CELF4: variants seen among roughly 807,000 people sequenced by gnomAD.
CELF4 encodes the protein CUG-BP- and ETR-3-like factor 4.
CELF4 carries 18 observed loss-of-function variants against 59.9 expected under a neutral mutation model. The observed-to-expected ratio is 0.30, with a 90% CI of 0.21 to 0.45. The LOEUF (loss-of-function observed/expected upper bound fraction) is 0.45, where lower values mean the gene tolerates loss of function less well. CELF4 is among the 20% of genes least tolerant of loss of function. The pLI, the probability that CELF4 is intolerant of heterozygous loss-of-function variation, is 1.00. For missense variants in CELF4, 456 were observed against 689.0 expected (o/e 0.66, Z 3.79); for synonymous variants, 261 against 267.1 (o/e 0.98, Z 0.22).
intron 2 of CELF4, among the ~76,000 whole-genome samples, chr18:37,366,024 A>G (rs1474282790): frequency 6.6e-6 from 1 of 152,200 alleles, no homozygotes; most frequent in South Asian, 2.1e-4. Context: ...AGGTCAGCCT[A>G]AGGAAGAACT....
intron 3 of CELF4, among the ~76,000 whole-genome samples, chr18:37,298,402 T>G (rs1246129913): frequency 1.3e-5 from 2 of 152,198 alleles, no homozygotes; most frequent in African/African-American, 4.8e-5. Flanking sequence ...AGGCCCCTGG[T>G]GGATCCCTGT....
intron 12 of CELF4, among the ~76,000 whole-genome samples, chr18:37,248,951 C>CAGGGAGGG (rs113251007): frequency 2.0e-5 from 3 of 148,928 alleles, no homozygotes; most frequent in African/African-American, 7.6e-5. Flanking sequence ...TGCTTTCCTG[C>CAGGGAGGG]AGGGAGGGAG....
At chr18:37,563,368 A>G (rs1003604037) in intron 1 of CELF4, among the ~76,000 whole-genome samples, 1 of 152,088 alleles carries the variant, frequency 6.6e-6, no homozygotes, top group African/African-American at 2.4e-5. Flanking sequence ...GATTTTTTTA[A>G]CTTTAAAATC....
chr18:37,366,273 G>T (rs2098781629), intron 2 of CELF4, among the ~76,000 whole-genome samples: 1 of 152,216 alleles, frequency 6.6e-6, no homozygotes, highest in Admixed American at 6.5e-5. Flanking sequence ...CAGAGCAGCA[G>T]TGTGGCCAGG....
chr18:37,544,572 C>T (rs2099980057), intron 1 of CELF4, among the ~76,000 whole-genome samples: 1 of 152,106 alleles, frequency 6.6e-6, no homozygotes, highest in Non-Finnish European at 1.5e-5. Context: ...AGTTGGCTGG[C>T]CTGTATGTGG....
At chr18:37,436,798 A>C (rs1388432650) in intron 2 of CELF4, among the ~76,000 whole-genome samples, 1 of 152,174 alleles carries the variant, frequency 6.6e-6, no homozygotes, top group Non-Finnish European at 1.5e-5. Context: ...TCTGCCCAGG[A>C]GCCCCAGAAT....
At chr18:37,455,955 T>G (rs938150355) in intron 2 of CELF4, among the ~76,000 whole-genome samples, 1 of 152,184 alleles carries the variant, frequency 6.6e-6, no homozygotes, top group African/African-American at 2.4e-5. Flanking sequence ...GGGCTCACTC[T>G]TCATTCACTC....
intron 1 of CELF4, chr18:37,485,872 C>T (rs560900457): frequency 5.6e-5 from 18 of 318,626 alleles, no homozygotes; most frequent in Non-Finnish European, 9.7e-5. Context: ...CCACACCCCC[C>T]TCTCCTTACG....
intron 1 of CELF4, among the ~76,000 whole-genome samples, chr18:37,526,477 T>C (rs1211029401): frequency 1.3e-5 from 2 of 152,222 alleles, no homozygotes; most frequent in African/African-American, 2.4e-5. Context: ...ATTTCTGTCC[T>C]ATAGGGGCCA....
intron 2 of CELF4, among the ~76,000 whole-genome samples, chr18:37,353,997 T>C (rs888380643): frequency 1.3e-5 from 2 of 152,058 alleles, no homozygotes; most frequent in South Asian, 2.1e-4. Flanking sequence ...CTTCGTGATC[T>C]GCCCGCCTCG....
At chr18:37,264,230 C>G (rs1231657719) in intron 10 of CELF4, among the ~76,000 whole-genome samples, 15 of 152,226 alleles carry the variant, frequency 9.9e-5, no homozygotes, top group Non-Finnish European at 2.9e-5. Context: ...CTGGTACACA[C>G]AGGCCTAACC....
chr18:37,502,821 A>C (rs1248976336), intron 1 of CELF4, among the ~76,000 whole-genome samples: 1 of 152,182 alleles, frequency 6.6e-6, no homozygotes, highest in Non-Finnish European at 1.5e-5. Context: ...CACCTCGTCC[A>C]GGCAGCCCTC....
intron 2 of CELF4, among the ~76,000 whole-genome samples, chr18:37,359,525 G>A (rs2098665634): frequency 6.6e-6 from 1 of 151,986 alleles, no homozygotes; most frequent in South Asian, 2.1e-4. Context: ...GTAGAGACAG[G>A]GTCTCGCTAT....
intron 2 of CELF4, among the ~76,000 whole-genome samples, chr18:37,407,584 T>C (rs967796059): frequency 3.9e-5 from 4 of 102,880 alleles, no homozygotes; most frequent in African/African-American, 1.1e-4. Context: ...TGTATGTGTG[T>C]GGGTATATGT....
intron 1 of CELF4, among the ~76,000 whole-genome samples, chr18:37,491,324 T>C (rs1019494059): frequency 6.6e-6 from 1 of 152,148 alleles, no homozygotes; most frequent in African/African-American, 2.4e-5. Context: ...TGTCCTCTAA[T>C]ACTTGAGATT....
intron 3 of CELF4, among the ~76,000 whole-genome samples, chr18:37,304,041 T>C (rs1797318540): frequency 6.6e-6 from 1 of 152,228 alleles, no homozygotes. Context: ...GAGCCTTCAT[T>C]TGGCATTTCT....
At chr18:37,429,733 A>T (rs1298872788) in intron 2 of CELF4, among the ~76,000 whole-genome samples, 5 of 152,150 alleles carry the variant, frequency 3.3e-5, no homozygotes, top group African/African-American at 1.2e-4. Flanking sequence ...TTGAGTGGAG[A>T]TCTTGATGAG....
At chr18:37,403,390 G>A (rs2099351751) in intron 2 of CELF4, among the ~76,000 whole-genome samples, 1 of 152,078 alleles carries the variant, frequency 6.6e-6, no homozygotes, top group African/African-American at 2.4e-5. Flanking sequence ...AATAACACAA[G>A]GAGTCACCCT....
At chr18:37,549,461 C>T (rs2099982465) in intron 1 of CELF4, among the ~76,000 whole-genome samples, 1 of 152,224 alleles carries the variant, frequency 6.6e-6, no homozygotes, top group Admixed American at 6.5e-5. Context: ...CCTGCCTGGT[C>T]AGCAGGTACA....
Sources: gnomAD v4.1 joint callset for allele counts (sites outside exome capture counted in the v4.1 genomes callset) on GRCh38, gnomAD v4.1.1 for gene constraint, MANE v1.5 for transcripts, NCBI Gene and HGNC (gene_info 2026-07-23, HGNC 2026-07-21) for gene names.